Variants in VPS13D observed in about 807,000 individuals in gnomAD.
VPS13D encodes the protein intermembrane lipid transfer protein VPS13D.
A neutral mutation model predicts 461.9 loss-of-function variants in VPS13D; 187 were observed. The observed-to-expected ratio is 0.40, with a 90% CI of 0.36 to 0.46. The LOEUF (loss-of-function observed/expected upper bound fraction) is 0.46. Ranked by LOEUF, VPS13D falls within the 20% of genes least tolerant of loss-of-function variation. The pLI, the probability that VPS13D is intolerant of heterozygous loss-of-function variation, is 0.60. For missense variants in VPS13D, 4,711 were observed against 5,364.9 expected (o/e 0.88, Z 3.81); for synonymous variants, 1,951 against 1,986.3 (o/e 0.98, Z 0.47).
intron 6 of VPS13D, among the ~76,000 whole-genome samples, chr1:12,250,249 C>T (rs1446714732): frequency 6.8e-6 from 1 of 146,360 alleles, no homozygotes; most frequent in Non-Finnish European, 1.5e-5. Context: ...ACCCAGAGGT[C>T]AGTGAGTGGT....
At chr1:12,499,379 T>G (rs2100547492) in intron 68 of VPS13D, 818 of 851,078 alleles carry the variant, frequency 9.6e-4, no homozygotes, top group Middle Eastern at 2.4e-3. Context: ...ACAGGCTAAA[T>G]GAGATTATAA....
In VPS13D at chr1:12,309,495, C is replaced by G. The variant is rs1021735329; in HGVS notation, c.6650+854C>G. The stretch of plus-strand genomic sequence containing the variant: ...GCCTTGGCATATGGACATGGTGGCT[C>G]ATGCCTGTAATCCCAGCACTTTGGG... On this transcript the variant is annotated intron_variant, in intron 27 of 69. Transcript: ENST00000620676. Among the ~76,000 whole-genome samples, 3 of 151,100 alleles carry G rather than the reference C, an allele frequency of 2.0e-5. 1 individual carries two copies. The South Asian group carries it at 6.4e-4, about 32-fold the overall frequency.
chr1:12,394,936 C>T (rs1395025520), intron 60 of VPS13D, among the ~76,000 whole-genome samples: 1 of 152,182 alleles, frequency 6.6e-6, no homozygotes, highest in Non-Finnish European at 1.5e-5. Context: ...TTATCCCATA[C>T]CCTTAATATC....
chr1:12,490,709 G>A (rs1260820449), intron 67 of VPS13D, among the ~76,000 whole-genome samples: 1 of 151,388 alleles, frequency 6.6e-6, no homozygotes, highest in Admixed American at 6.6e-5. Context: ...TGCAGCCCAC[G>A]GCCTGGTGGG....
chr1:12,327,761 T>C lies in VPS13D; in HGVS notation c.8104T>C (p.Ser2702Pro), dbSNP rs1643228790. 6.2e-7 allele frequency: 1 copy of C among 1,614,170 alleles called. No individual in the cohort carries two copies. The change falls in exon 36 of 70, where the codon TCT becomes CCT. Residue 2702 changes from serine (S) to proline (P), a missense_variant. Ser to Pro is a moderately conservative substitution (Grantham distance 74). Coordinates refer to ENST00000620676, the MANE Select transcript of VPS13D (RefSeq NM_015378.4). ...AGGGGCTGTGGCAGCGCCATTGATC[T>C]CTGGCGTGGAGATCAAAGCTGAGAG... ...SPGAVAAPLI[S>P]GVEIKAESVC...
intron 43 of VPS13D, among the ~76,000 whole-genome samples, chr1:12,346,127 G>C (rs886510295): frequency 1.3e-5 from 2 of 152,132 alleles, no homozygotes; most frequent in African/African-American, 2.4e-5. Context: ...TGGAACACTT[G>C]CACTTATTTT....
intron 5 of VPS13D, among the ~76,000 whole-genome samples, chr1:12,246,978 G>A (rs947273414): frequency 3.3e-5 from 5 of 152,100 alleles, no homozygotes; most frequent in Non-Finnish European, 5.9e-5. Flanking sequence ...GTTTTCAGTT[G>A]TCTCAAATAG....
rs235247 is a variant in VPS13D at position 12,256,314 on chromosome 1, G to T, written c.670-19G>T. On this transcript the variant is annotated intron_variant, in intron 7 of 69. Transcript: ENST00000620676. ...AGGAAAGCCATTCGGAGCAGAGCAGGTGTTCTTGTGACACACAGGAGGCCA... is the reference window on the plus strand; with the variant it reads ...AGGAAAGCCATTCGGAGCAGAGCAGTTGTTCTTGTGACACACAGGAGGCCA... 0.02 allele frequency: 32,136 copies of T among 1,611,690 alleles called. 656 individuals carry two copies. The highest frequency in any genetic ancestry group is 0.11 in the African/African-American group (8,143 of 74,914).
Position 12,259,313 on chromosome 1 carries a change from C to CTT in VPS13D, c.1110+1214_1110+1215dup, listed in dbSNP as rs1422676674. On this transcript the variant is annotated intron_variant, in intron 10 of 69. Coordinates refer to ENST00000620676, the MANE Select transcript of VPS13D (RefSeq NM_015378.4). ...CAGCCTTCACCACCCCCAGCCTACT[C>CTT]TTTTTATTTTTTTTTTTTTTGAGAC... is the stretch of plus-strand genomic sequence containing the variant. Among the ~76,000 whole-genome samples, 38 of 146,234 alleles carry CTT rather than the reference C, an allele frequency of 2.6e-4. 2 individuals are homozygous for CTT. Among genetic ancestry groups the CTT allele is most frequent in the South Asian group, 6.4e-4 (3 of 4,656 alleles).
At chr1:12,386,047 A>T in intron 59 of VPS13D, 138 bp from the exon 60 acceptor site, 3 of 940,764 alleles carry the variant, frequency 3.2e-6, no homozygotes, top group Non-Finnish European at 4.6e-6. Context: ...GGTAAATAAT[A>T]GGACTCCCCT....
chr1:12,456,531 G>A (rs1007275789), intron 66 of VPS13D, among the ~76,000 whole-genome samples: 1 of 151,444 alleles, frequency 6.6e-6, no homozygotes, highest in African/African-American at 2.4e-5. Context: ...CCAGCTACTC[G>A]GGAGGCTGAG....
chr1:12,321,961 G>T lies in VPS13D; in HGVS notation c.7701G>T (p.Leu2567=). ...ATAGTGAAGATTTCCCACCTGTCCT[G>T]GAGGTAATGATGCAAAATCTGTGCA... ...AFNSEDFPPV[L]EIQLQALDIR... Residue 2567 remains leucine (L), a synonymous_variant, in exon 33 of 70, where the codon CTG becomes CTT. Transcript: ENST00000620676. The T allele has an allele frequency of 6.2e-7, 1 of 1,613,436 alleles. No individual in the cohort carries two copies. The highest frequency in any genetic ancestry group is 8.5e-7 in the Non-Finnish European group (1 of 1,179,748).
chr1:12,313,283 G>C (rs892436140), intron 29 of VPS13D, among the ~76,000 whole-genome samples: 4 of 146,410 alleles, frequency 2.7e-5, no homozygotes, highest in African/African-American at 1.0e-4. Flanking sequence ...TTGTGAGCTA[G>C]CAATTTTATT....
At chr1:12,489,590 G>A (rs1645848355) in intron 67 of VPS13D, among the ~76,000 whole-genome samples, 1 of 152,146 alleles carries the variant, frequency 6.6e-6, no homozygotes, top group African/African-American at 2.4e-5. Context: ...TCAGTTTGAA[G>A]CAGTGAGCCT....
Position 12,258,056 on chromosome 1 carries a change from A to G in VPS13D, c.1063A>G (p.Lys355Glu). The part of the protein sequence containing the change: ...RARDAVSYTD[K>E]YFNKLKGGLL... ...TCGTGATGCTGTATCTTACACTGAC[A>G]AATATTTCAACAAGTTAAAAGGAGG... is the stretch of plus-strand genomic sequence containing the variant. The change falls in exon 10 of 70, where the codon AAA (lysine) becomes GAA (glutamate). Residue 355 changes from lysine (K) to glutamate (E), a missense_variant. Physicochemically the swap from Lys to Glu is moderately conservative, Grantham distance 56. Around this residue, in one of 3 missense-constraint regions of VPS13D, gnomAD observed 4,411 missense variants for 4,937.8 expected, o/e 0.89. Coordinates refer to ENST00000620676, the MANE Select transcript of VPS13D (RefSeq NM_015378.4). 5.0e-6 allele frequency: 8 copies of G among 1,614,222 alleles called. No homozygotes were observed. Among genetic ancestry groups the G allele is most frequent in the Non-Finnish European group, 6.8e-6 (8 of 1,180,046 alleles).
rs189031241 is a variant in VPS13D at position 12,395,597 on chromosome 1, C to T, written c.11635-4584C>T. Among the ~76,000 whole-genome samples, 7 of 152,148 alleles carry T rather than the reference C, an allele frequency of 4.6e-5. No homozygotes were observed. The East Asian group carries it at 1.4e-3, about 29-fold the overall frequency. ...GCTTCTGAAGCTGGGAGACAGAATCCCTGAGTTCATCATTTTCTTTCATTA... is the reference window on the plus strand; with the variant it reads ...GCTTCTGAAGCTGGGAGACAGAATCTCTGAGTTCATCATTTTCTTTCATTA... On this transcript the variant is annotated intron_variant, in intron 60 of 69. Transcript: ENST00000620676.
At chr1:12,270,059 G>A (rs989150252) in intron 16 of VPS13D, among the ~76,000 whole-genome samples, 6 of 152,170 alleles carry the variant, frequency 3.9e-5, no homozygotes, top group Non-Finnish European at 8.8e-5. Flanking sequence ...GGAGGCTGAG[G>A]CAGAAGGATT....
chr1:12,477,914 T>C (rs1029299239), intron 67 of VPS13D, among the ~76,000 whole-genome samples: 3 of 152,082 alleles, frequency 2.0e-5, no homozygotes, highest in South Asian at 2.1e-4. Context: ...TTTAGTGTGG[T>C]TGTATTAAGG....
chr1:12,317,524 C>T (rs111913550), intron 30 of VPS13D, among the ~76,000 whole-genome samples: 62 of 151,778 alleles, frequency 4.1e-4, no homozygotes, highest in African/African-American at 1.2e-3. Context: ...CTGGCCTCTA[C>T]CTATACTAGA....
Sources: allele counts gnomAD v4.1 joint callset (sites outside exome capture counted in the v4.1 genomes callset), GRCh38; gene constraint gnomAD v4.1.1; regional missense constraint gnomAD v4.1.1; transcripts MANE v1.5; gene names NCBI Gene and HGNC (gene_info 2026-07-23, HGNC 2026-07-21).